The following ACACA variants were observed in gnomAD, a reference collection of about 807,000 sequenced individuals.
The protein encoded by ACACA is acetyl-CoA carboxylase alpha, also known as acetyl-CoA carboxylase 1.
In ACACA, 103 loss-of-function variants were observed where a neutral mutation model predicts 296.1. The observed-to-expected ratio is 0.35, with a 90% CI of 0.30 to 0.41. ACACA has a LOEUF of 0.41. Ranked by LOEUF, ACACA falls within the 10% of genes least tolerant of loss-of-function variation. The pLI is 1.00. For missense variants in ACACA, 1,554 were observed against 2,989.7 expected, an observed-to-expected ratio of 0.52 and a Z score of 11.20; for synonymous variants, 953 against 1,038.6, an observed-to-expected ratio of 0.92 and a Z score of 1.58.
intron 21 of ACACA, 95 bp from the exon 22 acceptor site, chr17:37,243,654 G>T: frequency 7.5e-7 from 1 of 1,341,236 alleles, no homozygotes; most frequent in Non-Finnish European, 1.1e-6. Context: ...TGGGAAATTG[G>T]TTCCAGAACC....
chr17:37,373,159 G>A (rs954919712), intron 1 of ACACA, among the ~76,000 whole-genome samples: 4 of 152,150 alleles, frequency 2.6e-5, no homozygotes, highest in Non-Finnish European at 5.9e-5. Flanking sequence ...GATTATGGGC[G>A]TGAGCCACGG....
Position 37,330,393 on chromosome 17 carries a change from C to T in ACACA, c.118G>A (p.Glu40Lys). ...VRAHFGGIMD[E>K]PSPLAQPLEL... Reference sequence around the variant, plus strand: ...AGAGGTTGGGCCAAGGGAGATGGTTCATCCATTATTCCTCCAAAATGAGCT... The same window carrying T: ...AGAGGTTGGGCCAAGGGAGATGGTTTATCCATTATTCCTCCAAAATGAGCT... Residue 40 changes from glutamate (E) to lysine (K), a missense_variant, in exon 3 of 56, where the codon GAA (glutamate) becomes AAA (lysine). Glu to Lys is a moderately conservative substitution (Grantham distance 56, BLOSUM62 1). Transcript: ENST00000616317. 1 of 1,614,166 alleles carries T rather than the reference C, an allele frequency of 6.2e-7. No homozygotes were observed. The highest frequency in any genetic ancestry group is 8.5e-7 in the Non-Finnish European group (1 of 1,180,026).
intron 1 of ACACA, chr17:37,387,577 G>T (rs1249704322): frequency 6.6e-6 from 1 of 151,866 alleles, no homozygotes; most frequent in African/African-American, 2.4e-5. Flanking sequence ...CTCCTGAGTA[G>T]CTGGGACAAC....
At chr17:37,296,556 C>T (rs940928091) in intron 3 of ACACA, among the ~76,000 whole-genome samples, 7 of 151,914 alleles carry the variant, frequency 4.6e-5, no homozygotes, top group South Asian at 2.1e-4. Flanking sequence ...CCGCCTGCCT[C>T]GGCCTCCCAA....
At chr17:37,259,239 A>G in intron 12 of ACACA, 121 bp downstream of exon 12, 2 of 1,138,738 alleles carry the variant, frequency 1.8e-6, no homozygotes, top group South Asian at 2.5e-5. Context: ...GGTGAAAGAG[A>G]AATGACCATT....
intron 36 of ACACA, 78 bp from the exon 37 acceptor site, chr17:37,192,383 G>A (rs1040550354): frequency 3.0e-6 from 4 of 1,319,386 alleles, no homozygotes; most frequent in African/African-American, 1.5e-5. Flanking sequence ...ATGTAAAAGA[G>A]ATGCCTGAAA....
At chr17:37,291,146 A>G (rs1391498134) in intron 3 of ACACA, among the ~76,000 whole-genome samples, 1 of 81,396 alleles carries the variant, frequency 1.2e-5, no homozygotes, top group African/African-American at 5.5e-5. Context: ...AAACACATAC[A>G]CACACACACA....
At chr17:37,229,795 C>T (rs1015465128) in intron 25 of ACACA, among the ~76,000 whole-genome samples, 2 of 151,338 alleles carry the variant, frequency 1.3e-5, no homozygotes, top group East Asian at 2.0e-4. Context: ...GTGGGCCAGG[C>T]GTGGTGGCTC....
intron 15 of ACACA, 146 bp downstream of exon 15, chr17:37,252,740 C>T (rs2081052573): frequency 1.4e-5 from 15 of 1,056,414 alleles, no homozygotes; most frequent in Non-Finnish European, 2.2e-5. Flanking sequence ...CATCAGAGTG[C>T]TAAAATTACA....
intron 2 of ACACA, among the ~76,000 whole-genome samples, chr17:37,335,625 C>A (rs2048082930): frequency 6.6e-6 from 1 of 152,172 alleles, no homozygotes; most frequent in Non-Finnish European, 1.5e-5. Flanking sequence ...AAAGAGTACC[C>A]ATTCTTCCTT....
intron 47 of ACACA, among the ~76,000 whole-genome samples, chr17:37,127,136 A>G (rs1450198906): frequency 6.6e-6 from 1 of 152,204 alleles, no homozygotes; most frequent in Non-Finnish European, 1.5e-5. Flanking sequence ...TGTGGATTTC[A>G]TTAATAATGG....
chr17:37,389,991 T>C (rs946683049), intron 1 of ACACA, among the ~76,000 whole-genome samples: 2 of 148,184 alleles, frequency 1.3e-5, no homozygotes, highest in African/African-American at 5.0e-5. Context: ...AATCTTACTT[T>C]TAAGATTTTT....
chr17:37,193,945 T>C (rs556836522), intron 35 of ACACA, among the ~76,000 whole-genome samples: 8 of 152,294 alleles, frequency 5.3e-5, no homozygotes, highest in African/African-American at 1.9e-4. Context: ...TATAAGATTC[T>C]ACCTTGGTCA....
intron 1 of ACACA, among the ~76,000 whole-genome samples, chr17:37,402,919 G>A (rs922256592): frequency 2.0e-5 from 3 of 152,084 alleles, no homozygotes; most frequent in Non-Finnish European, 2.9e-5. Context: ...TGATCCGCCC[G>A]CCTCAGCCTC....
At chr17:37,174,020 A>ATATATTTTTTTTT (rs552735515) in intron 41 of ACACA, among the ~76,000 whole-genome samples, 4 of 16,794 alleles carry the variant, frequency 2.4e-4, no homozygotes, top group Non-Finnish European at 3.0e-4. Flanking sequence ...ATATATATAT[A>ATATATTTTTTTTT]TTTTTTTTTT....
At chr17:37,245,029 C>A in intron 20 of ACACA, 51 bp downstream of exon 20, 1 of 1,613,636 alleles carries the variant, frequency 6.2e-7, no homozygotes, top group East Asian at 2.2e-5. Flanking sequence ...CTCCAAACCA[C>A]CAAGTTCTTT....
chr17:37,396,821 C>A (rs1165763419), intron 1 of ACACA, among the ~76,000 whole-genome samples: 1 of 152,080 alleles, frequency 6.6e-6, no homozygotes, highest in Admixed American at 6.6e-5. Flanking sequence ...AAAAGTATTC[C>A]ATTTTCTGAG....
chr17:37,102,645 T>C (rs988359074), intron 52 of ACACA, among the ~76,000 whole-genome samples: 2 of 151,904 alleles, frequency 1.3e-5, no homozygotes, highest in Admixed American at 6.6e-5. Context: ...AGCTGGAGAG[T>C]TGGTTTGTTG....
chr17:37,143,192 C>T (rs375374387), intron 45 of ACACA, among the ~76,000 whole-genome samples: 2 of 150,342 alleles, frequency 1.3e-5, no homozygotes, highest in South Asian at 2.1e-4. Flanking sequence ...TCTAGCCTCT[C>T]CATGCTCATA....
Sources: gnomAD v4.1 joint callset for allele counts (sites outside exome capture counted in the v4.1 genomes callset) on GRCh38, gnomAD v4.1.1 for gene constraint, MANE v1.5 for transcripts, NCBI Gene and HGNC (gene_info 2026-07-23, HGNC 2026-07-21) for gene names.